The following SCRG1 variants were observed in gnomAD, a reference collection of about 807,000 sequenced individuals.
The protein encoded by SCRG1 is scrapie-responsive protein 1.
SCRG1 carries 3 observed loss-of-function variants against 7.7 expected under a neutral mutation model. The ratio of observed to expected loss-of-function variants is 0.39; its 90% confidence interval spans 0.18 to 1.01. The LOEUF is 1.01. Among genes scored for constraint, SCRG1 ranks in the 50% least tolerant of loss-of-function variants. SCRG1 has a pLI of 0.36. For synonymous variants in SCRG1, 46 were observed against 41.2 expected (o/e 1.12, Z -0.44); for missense variants, 110 against 117.2 (o/e 0.94, Z 0.28).
the SCRG1 span, among the ~76,000 whole-genome samples, chr4:173,480,773 T>A: frequency 6.6e-6 from 1 of 152,094 alleles, no homozygotes; most frequent in Non-Finnish European, 1.5e-5. Context: ...CATTTTTTTT[T>A]AAATGTATGC....
At chr4:173,411,600 A>C in the SCRG1 span, among the ~76,000 whole-genome samples, 1 of 152,226 alleles carries the variant, frequency 6.6e-6, no homozygotes, top group African/African-American at 2.4e-5. Flanking sequence ...TATTTCTATA[A>C]ATCAGTATAT....
At chr4:173,412,418 C>T in the SCRG1 span, among the ~76,000 whole-genome samples, 47 of 152,302 alleles carry the variant, frequency 3.1e-4, no homozygotes, top group Non-Finnish European at 5.9e-4. Context: ...CTGTTTCTCA[C>T]CTCAATAAAA....
At chr4:173,471,929 G>A in the SCRG1 span, among the ~76,000 whole-genome samples, 34 of 152,212 alleles carry the variant, frequency 2.2e-4, 1 homozygote, top group South Asian at 7.1e-3. Flanking sequence ...GGCTGGTCTC[G>A]AGCTCCTGAC....
chr4:173,506,846 C>T, the SCRG1 span, among the ~76,000 whole-genome samples: 1 of 152,134 alleles, frequency 6.6e-6, no homozygotes, highest in Non-Finnish European at 1.5e-5. This position sits in a 1 kb window ranked among gnomAD's most constrained non-coding sequence, Gnocchi z 5.3. Flanking sequence ...TCTGAGAGTC[C>T]GACCTCCATC....
the SCRG1 span, among the ~76,000 whole-genome samples, chr4:173,514,725 C>G: frequency 2.0e-5 from 3 of 152,250 alleles, no homozygotes; most frequent in South Asian, 2.1e-4. Flanking sequence ...TGCAAATAAA[C>G]AAACAAACTC....
At chr4:173,413,841 T>C in the SCRG1 span, among the ~76,000 whole-genome samples, 1 of 152,214 alleles carries the variant, frequency 6.6e-6, no homozygotes, top group Non-Finnish European at 1.5e-5. Context: ...TCAGATTATC[T>C]AGAAAGTACA....
chr4:173,518,204 G>A, the SCRG1 span, among the ~76,000 whole-genome samples: 1 of 152,098 alleles, frequency 6.6e-6, no homozygotes, highest in Non-Finnish European at 1.5e-5. Context: ...AGGAATGGGT[G>A]GGGCCTGGAA....
the SCRG1 span, among the ~76,000 whole-genome samples, chr4:173,446,295 T>C: frequency 4.0e-4 from 61 of 152,306 alleles, no homozygotes; most frequent in African/African-American, 1.4e-3. Flanking sequence ...TGCATTTTGA[T>C]GGTGCAAAAG....
At chr4:173,389,947 G>T in intron 2 of SCRG1, 2 of 264,110 alleles carry the variant, frequency 7.6e-6, no homozygotes, top group South Asian at 3.4e-5. Flanking sequence ...CAAGACCATG[G>T]GATTTGAAAG....
At chr4:173,445,003 A>G in the SCRG1 span, among the ~76,000 whole-genome samples, 9 of 152,230 alleles carry the variant, frequency 5.9e-5, no homozygotes, top group Non-Finnish European at 1.2e-4. Context: ...AAATGATACC[A>G]AAATGATATA....
the SCRG1 span, among the ~76,000 whole-genome samples, chr4:173,446,403 G>C: frequency 1.3e-5 from 2 of 150,382 alleles, no homozygotes; most frequent in African/African-American, 2.4e-5. Flanking sequence ...ATGCACTCAC[G>C]GGGGGAAAAG....
the SCRG1 span, among the ~76,000 whole-genome samples, chr4:173,498,625 C>A: frequency 4.6e-5 from 7 of 152,222 alleles, no homozygotes; most frequent in South Asian, 1.2e-3. Flanking sequence ...GTAAGGGGCT[C>A]ATTGAATGTT....
At chr4:173,485,010 A>ATATATAATATAATATATATTATATAT in the SCRG1 span, among the ~76,000 whole-genome samples, 6 of 4,906 alleles carry the variant, frequency 1.2e-3, 1 homozygote, top group African/African-American at 2.8e-3. Context: ...TATAAATATA[A>ATATATAATATAATATATATTATATAT]TATATAATAT....
chr4:173,447,858 A>T, the SCRG1 span, among the ~76,000 whole-genome samples: 5 of 152,202 alleles, frequency 3.3e-5, no homozygotes, highest in African/African-American at 4.8e-5. Flanking sequence ...TAATCCTAGC[A>T]CTTTGGGAGG....
chr4:173,498,719 C>T, the SCRG1 span, among the ~76,000 whole-genome samples: 1 of 152,230 alleles, frequency 6.6e-6, no homozygotes, highest in African/African-American at 2.4e-5. Context: ...ATTAATAATA[C>T]ATCTGTATAT....
intron 1 of SCRG1, among the ~76,000 whole-genome samples, chr4:173,394,663 A>C (rs1739549371): frequency 1.6e-5 from 1 of 62,158 alleles, no homozygotes; most frequent in South Asian, 4.9e-4. Context: ...AATTATAATT[A>C]TAAGTCTGTT....
the SCRG1 span, among the ~76,000 whole-genome samples, chr4:173,452,665 CAT>C: frequency 6.6e-6 from 1 of 152,144 alleles, no homozygotes; most frequent in African/African-American, 2.4e-5. Context: ...CTCTTGCACA[CAT>C]GTATTTTTTT....
chr4:173,484,005 C>T, the SCRG1 span, among the ~76,000 whole-genome samples: 14 of 67,248 alleles, frequency 2.1e-4, no homozygotes, highest in South Asian at 7.7e-3. Context: ...ATATATATTA[C>T]ATATTATATA....
rs751678003 is a variant in SCRG1 at position 173,391,446 on chromosome 4, C to A, written c.-14-18G>T. 8.1e-6 allele frequency: 13 copies of A among 1,612,066 alleles called. No homozygotes were observed. Among genetic ancestry groups the A allele is most frequent in the South Asian group, 7.7e-5 (7 of 90,998 alleles). On this transcript the variant is annotated intron_variant, in intron 1 of 2. Coordinates refer to ENST00000296506, the MANE Select transcript of SCRG1 (RefSeq NM_007281.4). ...TTTTGGCCCTGAAATAGAAGAAAGA[C>A]CAAAATGTGTCAATGTTTGTTTTTT...
Sources: allele counts gnomAD v4.1 joint callset (sites outside exome capture counted in the v4.1 genomes callset), GRCh38; gene constraint gnomAD v4.1.1; non-coding constraint Gnocchi (gnomAD v3.1); transcripts MANE v1.5; gene names NCBI Gene and HGNC (gene_info 2026-07-23, HGNC 2026-07-21).